Variants in MTUS1 observed in about 807,000 individuals in gnomAD.
MTUS1 encodes microtubule-associated tumor suppressor 1.
Under a neutral mutation model 120.8 loss-of-function variants are expected in MTUS1, and 109 were observed. That is an observed-to-expected ratio of 0.90 (90% CI 0.77 to 1.06). The LOEUF is 1.06. Among genes scored for constraint, MTUS1 ranks in the 50% least tolerant of loss-of-function variants. MTUS1 has a pLI of 0.00. For synonymous variants in MTUS1, 737 were observed against 550.5 expected (o/e 1.34, Z -4.74); for missense variants, 2,210 against 1,486.3 (o/e 1.49, Z -8.01).
At chr8:17,763,963 T>C (rs924054788) in intron 1 of MTUS1, among the ~76,000 whole-genome samples, 1 of 152,126 alleles carries the variant, frequency 6.6e-6, no homozygotes, top group Non-Finnish European at 1.5e-5. Context: ...AACCACAAGA[T>C]GGAACAAGCC....
intron 3 of MTUS1, among the ~76,000 whole-genome samples, chr8:17,724,865 T>C (rs975369918): frequency 3.3e-5 from 5 of 152,188 alleles, no homozygotes; most frequent in Admixed American, 6.5e-5. Flanking sequence ...TTAAAGTACT[T>C]ATTGAGTACT....
chr8:17,669,866 T>C (rs1811659020), intron 8 of MTUS1, among the ~76,000 whole-genome samples: 2 of 151,438 alleles, frequency 1.3e-5, no homozygotes, highest in African/African-American at 4.8e-5. Flanking sequence ...AAAAACAAAA[T>C]GTCCAGTAGA....
At chr8:17,722,039 G>C (rs1458418950) in intron 4 of MTUS1, 1 of 1,318,478 alleles carries the variant, frequency 7.6e-7, no homozygotes, top group African/African-American at 1.5e-5. Context: ...ACACAAAACA[G>C]ATTAAACCAG....
Position 17,779,153 on chromosome 8 carries a change from G to A in MTUS1, c.-155+21908C>T, listed in dbSNP as rs140948136. ...AGTAGTAGGTAAGGAGGCAGAGACT[G>A]GAAAGGTTTCTAAATGTGTCATTAC... On this transcript the variant is annotated intron_variant, in intron 1 of 14. Transcript: ENST00000693296. 3.9e-5 allele frequency among the ~76,000 whole-genome samples: 6 copies of A among 152,292 alleles called. No homozygotes were observed. In the East Asian group the frequency reaches 9.7e-4, roughly 25 times the overall value.
At chr8:17,746,610 C>T (rs142009980) in intron 2 of MTUS1, among the ~76,000 whole-genome samples, 22 of 152,202 alleles carry the variant, frequency 1.4e-4, no homozygotes, top group South Asian at 8.3e-4. Flanking sequence ...GGAAACCACC[C>T]CCATGATGCA....
At position 17,679,754 on chromosome 8, in the gene MTUS1, C is replaced by T. The variant is rs901263332; in HGVS notation, c.2839-4502G>A. On this transcript the variant is annotated intron_variant, in intron 7 of 14. Transcript: ENST00000693296. ...TGGACCTCAAGCGATCCACCCGCCTCAGCCTCCCAAAGTGCTGGGATTACA... is the reference window on the plus strand; with the variant it reads ...TGGACCTCAAGCGATCCACCCGCCTTAGCCTCCCAAAGTGCTGGGATTACA... 2.0e-5 allele frequency among the ~76,000 whole-genome samples: 3 copies of T among 152,198 alleles called. No homozygotes were observed. The East Asian group carries it at 5.8e-4, about 29-fold the overall frequency.
chr8:17,779,957 A>T (rs899389236), intron 1 of MTUS1, among the ~76,000 whole-genome samples: 8 of 152,216 alleles, frequency 5.3e-5, no homozygotes, highest in Non-Finnish European at 1.2e-4. Flanking sequence ...TTTAACAGGA[A>T]TCTCTGACAT....
chr8:17,791,034 C>T (rs975216075), intron 1 of MTUS1, among the ~76,000 whole-genome samples: 2 of 152,152 alleles, frequency 1.3e-5, no homozygotes, highest in African/African-American at 2.4e-5. Context: ...ATAGAAAATC[C>T]TGGCAACAGA....
At chr8:17,685,563 G>T (rs1471964216) in intron 6 of MTUS1, among the ~76,000 whole-genome samples, 1 of 151,786 alleles carries the variant, frequency 6.6e-6, no homozygotes, top group Non-Finnish European at 1.5e-5. Context: ...AACTTTTAAA[G>T]AAATTTAGTA....
intron 4 of MTUS1, chr8:17,721,721 C>A: frequency 6.4e-7 from 1 of 1,559,334 alleles, no homozygotes; most frequent in South Asian, 1.2e-5. Context: ...CTTTTTTTCC[C>A]AGTAAACGTG....
chr8:17,761,324 A>G (rs907961547), intron 1 of MTUS1, among the ~76,000 whole-genome samples: 2 of 152,224 alleles, frequency 1.3e-5, no homozygotes, highest in African/African-American at 4.8e-5. Context: ...AGACACACCT[A>G]AAGAACTGAA....
At chr8:17,747,741 T>C (rs879361222) in intron 2 of MTUS1, among the ~76,000 whole-genome samples, 1 of 152,202 alleles carries the variant, frequency 6.6e-6, no homozygotes, top group Non-Finnish European at 1.5e-5. Context: ...ACTGATGTAT[T>C]AGTCCATTTT....
chr8:17,693,062 T>G (rs1173072283), intron 6 of MTUS1, among the ~76,000 whole-genome samples: 3 of 152,160 alleles, frequency 2.0e-5, no homozygotes, highest in African/African-American at 7.2e-5. Flanking sequence ...GAGGTTCAAA[T>G]GGCACTCTTC....
At chr8:17,683,018 A>G (rs1307941878) in intron 7 of MTUS1, among the ~76,000 whole-genome samples, 1 of 152,236 alleles carries the variant, frequency 6.6e-6, no homozygotes, top group East Asian at 1.9e-4. Flanking sequence ...CATGCCTGTA[A>G]TCCCAGGACT....
chr8:17,709,077 C>A (rs1348585050), intron 6 of MTUS1: 4 of 151,164 alleles, frequency 2.6e-5, no homozygotes, highest in African/African-American at 9.8e-5. Context: ...GCAGAGCTTG[C>A]AGTGAGCAGA....
intron 2 of MTUS1, among the ~76,000 whole-genome samples, chr8:17,752,477 A>C (rs548166727): frequency 6.6e-6 from 1 of 152,372 alleles, no homozygotes; most frequent in Non-Finnish European, 1.5e-5. Flanking sequence ...GGATGAACTC[A>C]TTAGTTTAGA....
chr8:17,679,515 A>T (rs1025530949), intron 7 of MTUS1, among the ~76,000 whole-genome samples: 3,735 of 37,020 alleles, frequency 0.1, 176 homozygotes, highest in African/African-American at 0.17. Flanking sequence ...TTATTTATTT[A>T]TTTTTTGAGA....
chr8:17,783,526 T>C (rs1446024780), intron 1 of MTUS1, among the ~76,000 whole-genome samples: 2 of 152,170 alleles, frequency 1.3e-5, no homozygotes, highest in African/African-American at 2.4e-5. Context: ...ATGTAATTTT[T>C]TTTTTAAATA....
chr8:17,678,748 C>CAAAAAAAAAAA (rs35213322), intron 7 of MTUS1, among the ~76,000 whole-genome samples: 1 of 133,060 alleles, frequency 7.5e-6, no homozygotes, highest in Non-Finnish European at 1.6e-5. Context: ...ATTCCACTTG[C>CAAAAAAAAAAA]AAAAAAAAAA....
Sources: gnomAD v4.1 joint callset for allele counts (sites outside exome capture counted in the v4.1 genomes callset) on GRCh38, gnomAD v4.1.1 for gene constraint, MANE v1.5 for transcripts, NCBI Gene and HGNC (gene_info 2026-07-23, HGNC 2026-07-21) for gene names.